MBD5: variants seen among roughly 807,000 people sequenced by gnomAD.
MBD5 encodes methyl-CpG-binding domain protein 5.
MBD5 carries 13 observed loss-of-function variants against 117.3 expected under a neutral mutation model. That is an observed-to-expected ratio of 0.11 (90% CI 0.07 to 0.18). The LOEUF (loss-of-function observed/expected upper bound fraction) is 0.18. Ranked by LOEUF, MBD5 falls within the 10% of genes least tolerant of loss-of-function variation. The pLI is 1.00. For synonymous variants in MBD5, 727 were observed against 766.4 expected (o/e 0.95, Z 0.85); for missense variants, 1,879 against 2,093.8 (o/e 0.90, Z 2.00).
At chr2:148,295,321 G>A (rs114022209) in intron 3 of MBD5, among the ~76,000 whole-genome samples, 2,320 of 152,094 alleles carry the variant, frequency 0.015, 72 homozygotes, top group African/African-American at 0.053. Flanking sequence ...TGAAATCTAT[G>A]ATTGAGCCCC....
At chr2:148,260,238 C>T (rs1424784239) in intron 3 of MBD5, among the ~76,000 whole-genome samples, 3 of 152,182 alleles carry the variant, frequency 2.0e-5, no homozygotes, top group Non-Finnish European at 4.4e-5. Context: ...TTCTGTAATA[C>T]TCTAAATCTT....
intron 4 of MBD5, among the ~76,000 whole-genome samples, chr2:148,402,082 C>A (rs191872634): frequency 1.3e-5 from 2 of 151,808 alleles, no homozygotes; most frequent in Admixed American, 1.3e-4. Context: ...ATGAGACTAA[C>A]CTTATTGCTT....
chr2:148,214,727 G>T (rs1319332446), intron 2 of MBD5, among the ~76,000 whole-genome samples: 1 of 152,162 alleles, frequency 6.6e-6, no homozygotes, highest in Admixed American at 6.5e-5. Context: ...ACTGTCTGCT[G>T]TGAAACTTGT....
At chr2:148,407,378 GTGTGTGTC>G (rs1705115712) in intron 4 of MBD5, among the ~76,000 whole-genome samples, 1 of 151,656 alleles carries the variant, frequency 6.6e-6, no homozygotes, top group Non-Finnish European at 1.5e-5. Context: ...GTTTGTGTGT[GTGTGTGTC>G]TGTGTGTCTG....
chr2:148,200,766 CTT>C (rs1242739342), intron 2 of MBD5, among the ~76,000 whole-genome samples: 5 of 150,852 alleles, frequency 3.3e-5, no homozygotes, highest in African/African-American at 9.8e-5. Flanking sequence ...ATACTGATGA[CTT>C]TTAAAAATAC....
intron 12 of MBD5, among the ~76,000 whole-genome samples, chr2:148,507,157 A>G (rs1198324429): frequency 6.6e-6 from 1 of 152,236 alleles, no homozygotes; most frequent in Non-Finnish European, 1.5e-5. Context: ...GTTTACAAAT[A>G]TTTTAAATAT....
chr2:148,378,460 A>G (rs1357749332), intron 4 of MBD5, among the ~76,000 whole-genome samples: 3 of 152,116 alleles, frequency 2.0e-5, no homozygotes, highest in Admixed American at 6.5e-5. Flanking sequence ...CTCTGCAAGT[A>G]TGAGGGCATG....
chr2:148,437,842 C>T (rs1706199625), intron 4 of MBD5, among the ~76,000 whole-genome samples: 2 of 152,172 alleles, frequency 1.3e-5, no homozygotes, highest in South Asian at 2.1e-4. Flanking sequence ...TCTGAAATAC[C>T]ATGACAGACA....
chr2:148,299,588 C>G (rs1359655446), intron 3 of MBD5, among the ~76,000 whole-genome samples: 1 of 152,194 alleles, frequency 6.6e-6, no homozygotes, highest in East Asian at 1.9e-4. Context: ...GGATCTATTG[C>G]TTAAGCCTTC....
intron 2 of MBD5, among the ~76,000 whole-genome samples, chr2:148,201,538 C>T (rs2105957859): frequency 6.6e-6 from 1 of 152,296 alleles, no homozygotes; most frequent in East Asian, 1.9e-4. Context: ...CTTGCTGCTG[C>T]TTCTTGTCAT....
intron 3 of MBD5, among the ~76,000 whole-genome samples, chr2:148,331,838 G>A (rs1035726197): frequency 8.6e-5 from 13 of 151,806 alleles, no homozygotes; most frequent in East Asian, 1.9e-4. Context: ...GGGTGTTTTG[G>A]GTCAAGTTAC....
intron 4 of MBD5, among the ~76,000 whole-genome samples, chr2:148,393,648 A>C (rs1301843696): frequency 6.6e-6 from 1 of 152,170 alleles, no homozygotes; most frequent in Non-Finnish European, 1.5e-5. Flanking sequence ...AGATATACCA[A>C]ATTTGAGGGT....
chr2:148,464,042 G>A, intron 7 of MBD5, 123 bp downstream of exon 7: 1 of 964,698 alleles, frequency 1.0e-6, no homozygotes. Flanking sequence ...TTAAAATTCT[G>A]TATGTCCTGT....
chr2:148,137,906 T>C (rs1484613678), intron 1 of MBD5, among the ~76,000 whole-genome samples: 1 of 152,208 alleles, frequency 6.6e-6, no homozygotes, highest in African/African-American at 2.4e-5. Flanking sequence ...AGCCTACATG[T>C]GTAGTAGGCT....
At chr2:148,207,692 GAAAAAA>G (rs34113572) in intron 2 of MBD5, among the ~76,000 whole-genome samples, 1 of 142,496 alleles carries the variant, frequency 7.0e-6, no homozygotes, top group Admixed American at 6.9e-5. Flanking sequence ...TAGAAGTTAG[GAAAAAA>G]AAAAAAAAAG....
chr2:148,171,148 C>T (rs1057392717), intron 1 of MBD5, among the ~76,000 whole-genome samples: 5 of 152,196 alleles, frequency 3.3e-5, no homozygotes, highest in East Asian at 1.9e-4. Context: ...GCTAGCATTA[C>T]TCTGATACCA....
At chr2:148,061,658 T>C (rs1251646505) in intron 1 of MBD5, among the ~76,000 whole-genome samples, 1 of 151,978 alleles carries the variant, frequency 6.6e-6, no homozygotes, top group Non-Finnish European at 1.5e-5. Flanking sequence ...GTCATCTGTG[T>C]GTGTAATACT....
Position 148,462,696 on chromosome 2 carries a change from A to G in MBD5, c.216+12A>G, listed in dbSNP as rs2105571760. ...TTATTCTTCCCAAGGTAACCATTTC[A>G]CAATAGATCTACAGCAGTGTTTTAT... is the stretch of plus-strand genomic sequence containing the variant. On this transcript the variant is annotated intron_variant, in intron 6 of 13. Transcript: ENST00000642680. 6.7e-7 allele frequency: 1 copy of G among 1,496,472 alleles called. No homozygotes were observed. The highest frequency in any genetic ancestry group is 9.3e-7 in the Non-Finnish European group (1 of 1,073,588). 92.7% of individuals were successfully genotyped at this position (1,496,472 alleles called of 1,614,324 possible).
intron 4 of MBD5, among the ~76,000 whole-genome samples, chr2:148,388,316 G>A (rs150280107): frequency 8.0e-4 from 122 of 152,058 alleles, no homozygotes; most frequent in African/African-American, 2.4e-3. Flanking sequence ...AGAAGTCTTC[G>A]GTGACTTATA....
Sources: gnomAD v4.1 joint callset for allele counts (sites outside exome capture counted in the v4.1 genomes callset) on GRCh38, gnomAD v4.1.1 for gene constraint, MANE v1.5 for transcripts, NCBI Gene and HGNC (gene_info 2026-07-23, HGNC 2026-07-21) for gene names.